The following CYP27C1 variants were observed in gnomAD, a reference collection of about 807,000 sequenced individuals.
The protein encoded by CYP27C1 is cytochrome P450 family 27 subfamily C member 1.
A neutral mutation model predicts 40.6 loss-of-function variants in CYP27C1; 29 were observed. The ratio of observed to expected loss-of-function variants is 0.71; its 90% CI spans 0.53 to 0.97. The LOEUF is 0.97. Ranked by LOEUF, CYP27C1 falls within the 50% of genes least tolerant of loss-of-function variation. The probability of loss-of-function intolerance (pLI) is 0.00; values close to 1 mark genes in which losing one functional copy is unlikely to be tolerated. For synonymous variants in CYP27C1, 198 were observed against 186.8 expected, an observed-to-expected ratio of 1.06 and a Z score of -0.49; for missense variants, 390 against 485.8, an observed-to-expected ratio of 0.80 and a Z score of 1.85.
At chr2:127,213,662 A>G (rs925119709) in intron 1 of CYP27C1, among the ~76,000 whole-genome samples, 1 of 152,232 alleles carries the variant, frequency 6.6e-6, no homozygotes, top group Non-Finnish European at 1.5e-5. Flanking sequence ...TACAAAAATT[A>G]ACGCAAGATG....
Position 127,203,478 on chromosome 2 carries a change from T to C in CYP27C1, c.567A>G (p.Gln189=), listed in dbSNP as rs913144680. 1 of 1,614,084 alleles carries C rather than the reference T, an allele frequency of 6.2e-7. No individual in the cohort carries two copies. The highest frequency in any genetic ancestry group is 8.5e-7 in the Non-Finnish European group (1 of 1,179,994). ...TTCTTTTAATTAAGTCAGCAATAAC[T>C]TGGTTGACTTCTCCAGAATAAATGG... ...DVAIYSGEVN[Q]VIADLIKRIY... The change falls in exon 3 of 9, where the codon CAA becomes CAG. Residue 189 remains glutamine (Q), a synonymous_variant. Transcript: ENST00000664447.
intron 1 of CYP27C1, among the ~76,000 whole-genome samples, chr2:127,213,024 T>C (rs1683364277): frequency 6.6e-6 from 1 of 151,848 alleles, no homozygotes; most frequent in Non-Finnish European, 1.5e-5. Context: ...ACACCAACAA[T>C]AGGCAAGCAG....
rs750777060 is a variant in CYP27C1 at position 127,187,629 on chromosome 2, G to A, written c.1498-242C>T. Among the ~76,000 whole-genome samples, 4 of 152,186 alleles carry A rather than the reference G, an allele frequency of 2.6e-5. No individual in the cohort carries two copies. The East Asian group carries it at 5.8e-4, about 22-fold the overall frequency. Reference sequence around the variant, plus strand: ...ATGTCCACTAAGCAGCTGGGCAGCCGGTGGGACAGAGATGCAGGCAGATGC... The same window carrying A: ...ATGTCCACTAAGCAGCTGGGCAGCCAGTGGGACAGAGATGCAGGCAGATGC... On this transcript the variant is annotated intron_variant, in intron 8 of 8. Coordinates refer to ENST00000664447, the MANE Select transcript of CYP27C1 (RefSeq NM_001367502.1).
chr2:127,208,045 T>G lies in CYP27C1; in HGVS notation c.283-1955A>C, dbSNP rs1683264487. Reference sequence around the variant, plus strand: ...AACAATCTCGAAAAAAGAACAAAGCTGGTGGACCCCCATTTTCCTGTTTCA... The same window carrying G: ...AACAATCTCGAAAAAAGAACAAAGCGGGTGGACCCCCATTTTCCTGTTTCA... On this transcript the variant is annotated intron_variant, in intron 1 of 8. Coordinates refer to ENST00000664447, the MANE Select transcript of CYP27C1 (RefSeq NM_001367502.1). The surrounding 1 kb of genome is among the most constrained non-coding windows in gnomAD (Gnocchi z 5.2). Among the ~76,000 whole-genome samples the G allele has an allele frequency of 6.6e-6, 1 of 152,108 alleles. No homozygotes were observed. The highest frequency in any genetic ancestry group is 1.5e-5 in the Non-Finnish European group (1 of 68,020).
intron 1 of CYP27C1, among the ~76,000 whole-genome samples, chr2:127,215,896 A>G (rs1683422532): frequency 6.6e-6 from 1 of 152,148 alleles, no homozygotes; most frequent in Non-Finnish European, 1.5e-5. Context: ...AAAACTGGAC[A>G]AAGGATTTCA....
At position 127,184,206 on chromosome 2, in the gene CYP27C1, C is replaced by T. The variant is rs1290105813; in HGVS notation, c.*3065G>A. The T allele has an allele frequency of 1.3e-5, 2 of 152,080 alleles. No homozygotes were observed. Among genetic ancestry groups the T allele is most frequent in the Admixed American group, 6.5e-5 (1 of 15,278 alleles). The allele number at this position is 152,080 out of a possible 1,614,324, so 9.4% of individuals were successfully genotyped here. On this transcript the variant is annotated 3_prime_UTR_variant, in exon 9 of 9. Transcript: ENST00000664447. The stretch of plus-strand genomic sequence containing the variant: ...CACACAGTCAGCATTCAAATTTCCC[C>T]GAGTTGCTCTCTTTTTTTCATGCAT...
intron 3 of CYP27C1, among the ~76,000 whole-genome samples, 154 bp downstream of exon 3, chr2:127,203,218 C>A (rs997758740): frequency 1.3e-5 from 2 of 151,640 alleles, no homozygotes; most frequent in Non-Finnish European, 2.9e-5. Context: ...CGGTGGTTCA[C>A]ACCAGGTTCA....
At chr2:127,211,378 T>G (rs1405495486) in intron 1 of CYP27C1, among the ~76,000 whole-genome samples, 35 of 129,096 alleles carry the variant, frequency 2.7e-4, no homozygotes, top group East Asian at 1.0e-3. Context: ...TGTTTTTTTT[T>G]TTTTTTTTTT....
chr2:127,187,560 G>A (rs1046952706), intron 8 of CYP27C1, among the ~76,000 whole-genome samples, 173 bp from the exon 9 acceptor site: 6 of 152,182 alleles, frequency 3.9e-5, no homozygotes, highest in African/African-American at 1.2e-4. Context: ...TGGGAAGCCC[G>A]CTGTTTGGAA....
chr2:127,196,423 T>C lies in CYP27C1; in HGVS notation c.1048-922A>G, dbSNP rs1357474029. Among the ~76,000 whole-genome samples the C allele has an allele frequency of 6.6e-6, 1 of 152,148 alleles. No homozygotes were observed. The highest frequency in any genetic ancestry group is 1.5e-5 in the Non-Finnish European group (1 of 68,028). On this transcript the variant is annotated intron_variant, in intron 5 of 8. Coordinates refer to ENST00000664447, the MANE Select transcript of CYP27C1 (RefSeq NM_001367502.1). This position sits in a 1 kb window ranked among gnomAD's most constrained non-coding sequence, Gnocchi z 4.5. ...TACTTATTGAAAATAATTGTTTTAT[T>C]CTCGTAGGTCCCAAGATTTTCGCTA... is the stretch of plus-strand genomic sequence containing the variant.
intron 1 of CYP27C1, among the ~76,000 whole-genome samples, chr2:127,217,701 G>A (rs963882142): frequency 6.6e-6 from 1 of 152,186 alleles, no homozygotes. Flanking sequence ...AAGTCGCTTA[G>A]GTAACCACCC....
rs1682623735 is a variant in CYP27C1 at position 127,186,344 on chromosome 2, GGA to G, written c.*925_*926del. The G allele has an allele frequency of 6.6e-6, 1 of 150,944 alleles. No individual in the cohort carries two copies. Among genetic ancestry groups the G allele is most frequent in the African/African-American group, 2.4e-5 (1 of 41,236 alleles). The allele number at this position is 150,944 out of a possible 1,614,324, so 9.4% of individuals were successfully genotyped here. A position where few individuals can be genotyped will look rare whatever the true frequency, so the allele number is the denominator to read the frequency against. ...GACTAGAAAATTAAGCACTCGTTGT[GGA>G]GAGAAAAGTATTCTTATACAGCCAT... is the stretch of plus-strand genomic sequence containing the variant. On this transcript the variant is annotated 3_prime_UTR_variant, in exon 9 of 9. Coordinates refer to ENST00000664447, the MANE Select transcript of CYP27C1 (RefSeq NM_001367502.1). The surrounding 1 kb of genome is among the most constrained non-coding windows in gnomAD (Gnocchi z 4.5).
rs981686481 is a variant in CYP27C1 at position 127,196,760 on chromosome 2, T to A, written c.1048-1259A>T. Among the ~76,000 whole-genome samples, 3 of 152,126 alleles carry A rather than the reference T, an allele frequency of 2.0e-5. No homozygotes were observed. Among genetic ancestry groups the A allele is most frequent in the Non-Finnish European group, 4.4e-5 (3 of 68,018 alleles). The stretch of plus-strand genomic sequence containing the variant: ...ATCCATACAATGGAATACTACTTAG[T>A]AATAAAAAAGAATCAATTACTGTTC... On this transcript the variant is annotated intron_variant, in intron 5 of 8. Transcript: ENST00000664447. This position sits in a 1 kb window ranked among gnomAD's most constrained non-coding sequence, Gnocchi z 4.5.
At position 127,195,511 on chromosome 2, in the gene CYP27C1, G is replaced by C. The variant is rs747718320; in HGVS notation, c.1048-10C>G. 1 of 1,613,384 alleles carries C rather than the reference G, an allele frequency of 6.2e-7. No individual in the cohort carries two copies. Among genetic ancestry groups the C allele is most frequent in the South Asian group, 1.1e-5 (1 of 90,968 alleles). On this transcript the variant is annotated splice_polypyrimidine_tract_variant and intron_variant, in intron 5 of 8. Coordinates refer to ENST00000664447, the MANE Select transcript of CYP27C1 (RefSeq NM_001367502.1). This position sits in a 1 kb window ranked among gnomAD's most constrained non-coding sequence, Gnocchi z 6.2. ...ACAAGGTGAAGGACGTCTAAGGAGA[G>C]AAAGTGGCAGACACAGGCAGGCAGT... is the stretch of plus-strand genomic sequence containing the variant.
At chr2:127,210,792 G>A (rs1248881965) in intron 1 of CYP27C1, among the ~76,000 whole-genome samples, 1 of 151,800 alleles carries the variant, frequency 6.6e-6, no homozygotes, top group African/African-American at 2.4e-5. Context: ...ATAGTAAAAG[G>A]AACAATTCAA....
At chr2:127,188,326 A>G (rs1476456407) in intron 8 of CYP27C1, among the ~76,000 whole-genome samples, 1 of 152,098 alleles carries the variant, frequency 6.6e-6, no homozygotes, top group Non-Finnish European at 1.5e-5. Context: ...TGCAGCCTCA[A>G]CCTCCTGGGC....
intron 1 of CYP27C1, among the ~76,000 whole-genome samples, 148 bp from the exon 2 acceptor site, chr2:127,206,238 A>T (rs930963451): frequency 6.6e-6 from 1 of 152,238 alleles, no homozygotes; most frequent in Non-Finnish European, 1.5e-5. Context: ...AGTAATTTAC[A>T]TATTGCTGAG....
Position 127,199,550 on chromosome 2 carries a change from A to G in CYP27C1, c.884-11T>C. The G allele has an allele frequency of 6.2e-7, 1 of 1,606,064 alleles. No homozygotes were observed. The highest frequency in any genetic ancestry group is 8.5e-7 in the Non-Finnish European group (1 of 1,173,936). ...CAACATGAATTTGGCCTGTTTGAAA[A>G]CAGTATTTCTTTTGAAAGGAGTTTG... On this transcript the variant is annotated splice_polypyrimidine_tract_variant and intron_variant, in intron 4 of 8. Coordinates refer to ENST00000664447, the MANE Select transcript of CYP27C1 (RefSeq NM_001367502.1).
Position 127,208,870 on chromosome 2 carries a change from T to C in CYP27C1, c.283-2780A>G, listed in dbSNP as rs1184131628. Among the ~76,000 whole-genome samples the C allele has an allele frequency of 6.6e-6, 1 of 152,194 alleles. No individual in the cohort carries two copies. Among genetic ancestry groups the C allele is most frequent in the Non-Finnish European group, 1.5e-5 (1 of 68,022 alleles). Reference sequence around the variant, plus strand: ...CTCTGATCTCCCTGGGCCTGAGCCCTTGGGGAAGGGGTGGCCACAGTCTCT... The same window carrying C: ...CTCTGATCTCCCTGGGCCTGAGCCCCTGGGGAAGGGGTGGCCACAGTCTCT... On this transcript the variant is annotated intron_variant, in intron 1 of 8. Coordinates refer to ENST00000664447, the MANE Select transcript of CYP27C1 (RefSeq NM_001367502.1). This position sits in a 1 kb window ranked among gnomAD's most constrained non-coding sequence, Gnocchi z 5.2.
Sources: gnomAD v4.1 joint callset for allele counts (sites outside exome capture counted in the v4.1 genomes callset) on GRCh38, gnomAD v4.1.1 for gene constraint, Gnocchi (gnomAD v3.1) non-coding constraint, MANE v1.5 for transcripts, NCBI Gene and HGNC (gene_info 2026-07-23, HGNC 2026-07-21) for gene names.